RANBP2: variants seen among roughly 807,000 people sequenced by gnomAD.
RANBP2 encodes E3 SUMO-protein ligase RanBP2.
In RANBP2, 57 loss-of-function variants were observed where a neutral mutation model predicts 303.6. The ratio of observed to expected loss-of-function variants is 0.19; its 90% CI spans 0.15 to 0.23. The LOEUF (loss-of-function observed/expected upper bound fraction) is 0.23, where lower values mean the gene tolerates loss of function less well. RANBP2 is among the 10% of genes least tolerant of loss of function. The pLI is 1.00. For missense variants in RANBP2, 3,138 were observed against 3,780.8 expected (o/e 0.83, Z 4.46); for synonymous variants, 1,167 against 1,301.5 (o/e 0.90, Z 2.23).
the RANBP2 span, among the ~76,000 whole-genome samples, chr2:109,732,158 A>G: frequency 1.9e-3 from 296 of 152,272 alleles, no homozygotes; most frequent in Middle Eastern, 6.8e-3. Context: ...ATGCCTGGCC[A>G]TAAGTGTATA....
the RANBP2 span, chr2:109,760,259 G>T: frequency 1.1e-4 from 17 of 148,548 alleles, no homozygotes; most frequent in East Asian, 3.2e-3. Context: ...TTCCCAGGGG[G>T]TAGAATGTCA....
the RANBP2 span, among the ~76,000 whole-genome samples, chr2:109,108,183 G>A: frequency 6.6e-6 from 1 of 152,218 alleles, no homozygotes; most frequent in Admixed American, 6.5e-5. Context: ...GGGATTACAG[G>A]CATGAGCCAG....
the RANBP2 span, among the ~76,000 whole-genome samples, chr2:109,161,246 G>T: frequency 1.3e-5 from 2 of 152,170 alleles, no homozygotes; most frequent in Non-Finnish European, 2.9e-5. Context: ...AGTCAGGCAC[G>T]AGTATGCAGT....
chr2:109,723,080 C>T, the RANBP2 span, among the ~76,000 whole-genome samples: 190 of 152,318 alleles, frequency 1.2e-3, no homozygotes, highest in African/African-American at 4.4e-3. Flanking sequence ...TTTACACTCC[C>T]ACTAACAGTT....
the RANBP2 span, among the ~76,000 whole-genome samples, chr2:109,457,887 A>G: frequency 6.6e-6 from 1 of 152,226 alleles, no homozygotes; most frequent in Non-Finnish European, 1.5e-5. Context: ...CCAGAAGGCA[A>G]CAAAGTCAGC....
chr2:108,996,792 C>T, the RANBP2 span, among the ~76,000 whole-genome samples: 1 of 152,114 alleles, frequency 6.6e-6, no homozygotes, highest in African/African-American at 2.4e-5. Context: ...ACATCTGATG[C>T]GGGCTAGGTG....
At chr2:108,724,964 G>A (rs1694578074) in intron 1 of RANBP2, among the ~76,000 whole-genome samples, 1 of 151,618 alleles carries the variant, frequency 6.6e-6, no homozygotes, top group Non-Finnish European at 1.5e-5. Context: ...GACTCCATCT[G>A]AATTAAAAAA....
At chr2:109,371,983 G>T in the RANBP2 span, among the ~76,000 whole-genome samples, 2 of 152,152 alleles carry the variant, frequency 1.3e-5, no homozygotes, top group Non-Finnish European at 2.9e-5. Flanking sequence ...GGACCCCTGC[G>T]CCTGGCACCC....
the RANBP2 span, among the ~76,000 whole-genome samples, chr2:109,573,719 T>C: frequency 6.6e-6 from 1 of 152,260 alleles, no homozygotes; most frequent in Non-Finnish European, 1.5e-5. Flanking sequence ...TGGAAAATTC[T>C]AACGTTTCTT....
the RANBP2 span, among the ~76,000 whole-genome samples, chr2:108,930,485 G>A: frequency 6.6e-6 from 1 of 152,168 alleles, no homozygotes; most frequent in East Asian, 1.9e-4. Context: ...TGCTGGCCAA[G>A]CCCCATCCCA....
chr2:108,783,585 C>A lies in RANBP2; in HGVS notation c.9370-11C>A, dbSNP rs373692599. On this transcript the variant is annotated splice_polypyrimidine_tract_variant and intron_variant, in intron 28 of 28. Transcript: ENST00000283195. ...AATTTTTAACTTTTTTATTATAAATCTTTTTTTCAGGGAGGAGATATCACC... is the reference window on the plus strand; with the variant it reads ...AATTTTTAACTTTTTTATTATAAATATTTTTTTCAGGGAGGAGATATCACC... The A allele has an allele frequency of 4.5e-5, 72 of 1,593,388 alleles. No homozygotes were observed. Among genetic ancestry groups the A allele is most frequent in the Non-Finnish European group, 6.1e-5 (71 of 1,168,364 alleles).
At chr2:109,481,237 A>T in the RANBP2 span, among the ~76,000 whole-genome samples, 3 of 152,226 alleles carry the variant, frequency 2.0e-5, no homozygotes, top group Non-Finnish European at 4.4e-5. Context: ...GTCCCCCCAC[A>T]CAGGTCTCTC....
the RANBP2 span, among the ~76,000 whole-genome samples, chr2:108,944,903 T>C: frequency 6.6e-6 from 1 of 151,924 alleles, no homozygotes; most frequent in African/African-American, 2.4e-5. Context: ...GCCGGGGAGG[T>C]GCTTTGAGCC....
At chr2:109,210,555 T>C in the RANBP2 span, among the ~76,000 whole-genome samples, 1 of 152,150 alleles carries the variant, frequency 6.6e-6, no homozygotes, top group South Asian at 2.1e-4. Context: ...TTTCAAGAGC[T>C]CAGGGCAAAT....
the RANBP2 span, among the ~76,000 whole-genome samples, chr2:109,499,139 G>A: frequency 6.6e-6 from 1 of 152,088 alleles, no homozygotes; most frequent in East Asian, 1.9e-4. Flanking sequence ...GCAGCCGCCA[G>A]GACCAGGAGC....
the RANBP2 span, chr2:109,613,565 G>A: frequency 1.8e-4 from 46 of 253,790 alleles, 1 homozygote; most frequent in Non-Finnish European, 4.4e-5. Context: ...CCGTCCCGAC[G>A]CTGGCGCCGC....
the RANBP2 span, among the ~76,000 whole-genome samples, chr2:109,629,805 C>T: frequency 2.6e-5 from 4 of 151,228 alleles, no homozygotes; most frequent in East Asian, 1.9e-4. Context: ...AGCAAGACTC[C>T]GTTTCAAAAA....
chr2:108,796,970 T>C, the RANBP2 span, among the ~76,000 whole-genome samples: 1,342 of 152,332 alleles, frequency 8.8e-3, 10 homozygotes, highest in Non-Finnish European at 0.014. Flanking sequence ...AGAAGAATTG[T>C]AATGTTCTCA....
the RANBP2 span, among the ~76,000 whole-genome samples, chr2:109,290,909 G>A: frequency 6.6e-6 from 1 of 152,202 alleles, no homozygotes; most frequent in Non-Finnish European, 1.5e-5. Flanking sequence ...TTGCCAGATG[G>A]TAAATTCGTT....
Sources: allele counts gnomAD v4.1 joint callset (sites outside exome capture counted in the v4.1 genomes callset), GRCh38; gene constraint gnomAD v4.1.1; transcripts MANE v1.5; gene names NCBI Gene and HGNC (gene_info 2026-07-23, HGNC 2026-07-21).